The following LMF1 variants were observed in gnomAD, a reference collection of about 807,000 sequenced individuals.
LMF1 encodes the protein lipase maturation factor 1, also known as transmembrane protein 112.
A neutral mutation model predicts 60.6 loss-of-function variants in LMF1; 68 were observed. The ratio of observed to expected loss-of-function variants is 1.12; its 90% CI spans 0.92 to 1.37. LMF1 has a LOEUF of 1.37. Ranked by LOEUF, LMF1 falls within the 40% of genes most tolerant of loss-of-function variation. The pLI, the probability that LMF1 is intolerant of heterozygous loss-of-function variation, is 0.00. For synonymous variants in LMF1, 418 were observed against 324.7 expected (o/e 1.29, Z -3.09); for missense variants, 948 against 767.2 (o/e 1.24, Z -2.78).
At chr16:919,914 C>A (rs2071388072) in intron 3 of LMF1, among the ~76,000 whole-genome samples, 1 of 152,188 alleles carries the variant, frequency 6.6e-6, no homozygotes, top group African/African-American at 2.4e-5. Flanking sequence ...CAGGCTCCTG[C>A]CCCCGGCACC....
intron 3 of LMF1, chr16:933,572 C>T: frequency 5.3e-6 from 1 of 188,222 alleles, no homozygotes; most frequent in Non-Finnish European, 1.1e-5. Flanking sequence ...AGGGCCTTTA[C>T]CAGCAAAGAC....
In LMF1 at chr16:962,215, ACGG is replaced by A. The variant is rs1177685233; in HGVS notation, c.194-7552_194-7550del. ...GGGATCACGACCCAGACACAGACTC[ACGG>A]TGACAGCATGGGATCACGACCCAGA... On this transcript the variant is annotated intron_variant, in intron 1 of 10. Coordinates refer to ENST00000262301, the MANE Select transcript of LMF1 (RefSeq NM_022773.4). The surrounding 1 kb of genome is among the most constrained non-coding windows in gnomAD (Gnocchi z 4.5). 2.2e-5 allele frequency among the ~76,000 whole-genome samples: 3 copies of A among 136,418 alleles called. 1 individual carries two copies. The South Asian group carries it at 8.4e-4, about 38-fold the overall frequency. The allele number at this position is 136,418 out of a possible 152,430, so 89.5% of individuals were successfully genotyped here.
chr16:948,289 CAG>C (rs1302690835), intron 2 of LMF1, among the ~76,000 whole-genome samples: 2 of 144,286 alleles, frequency 1.4e-5, no homozygotes, highest in African/African-American at 5.2e-5. Flanking sequence ...ACGACAGAGT[CAG>C]AGCCAACGAC....
At position 854,175 on chromosome 16, in the gene LMF1, C is replaced by T; in HGVS notation, c.*357G>A. 2.0e-6 allele frequency: 1 copy of T among 503,000 alleles called. No homozygotes were observed. The highest frequency in any genetic ancestry group is 5.4e-5 in the East Asian group (1 of 18,398). The allele number at this position is 503,000 out of a possible 1,614,324, so 31.2% of individuals were successfully genotyped here. ...GACCCCAAGAGCTACCTGGCTGGGT[C>T]TATGGTCAGGGCTGTAGTGGAGGAA... On this transcript the variant is annotated 3_prime_UTR_variant, in exon 11 of 11. Transcript: ENST00000262301.
chr16:869,929 G>A lies in LMF1; in HGVS notation c.1370C>T (p.Pro457Leu), dbSNP rs757628838. The change falls in exon 9 of 11, where the codon CCG (proline) becomes CTG (leucine). Residue 457 changes from proline to leucine, a missense_variant. Coordinates refer to ENST00000262301, the MANE Select transcript of LMF1 (RefSeq NM_022773.4). ...DPSRRPCLISPYHYRLDWLMW... is the reference protein window; with the variant it reads ...DPSRRPCLISLYHYRLDWLMW... Reference sequence around the variant, plus strand: ...CAGCCAGTCCAGGCGGTAGTGGTACGGGGAGATGAGGCAGGGCCGTCTGCT... The same window carrying A: ...CAGCCAGTCCAGGCGGTAGTGGTACAGGGAGATGAGGCAGGGCCGTCTGCT... 112 of 1,613,230 alleles carry A rather than the reference G, an allele frequency of 6.9e-5. No homozygotes were observed. The South Asian group carries it at 1.1e-3, about 16-fold the overall frequency.
chr16:867,373 G>A (rs1439724602), intron 10 of LMF1, among the ~76,000 whole-genome samples: 2 of 152,176 alleles, frequency 1.3e-5, no homozygotes, highest in Non-Finnish European at 2.9e-5. Flanking sequence ...AGAGGCTTCC[G>A]TCACGACCTG....
At chr16:935,590 A>C (rs1455842839) in intron 2 of LMF1, among the ~76,000 whole-genome samples, 1 of 151,444 alleles carries the variant, frequency 6.6e-6, no homozygotes, top group Non-Finnish European at 1.5e-5. Context: ...AAAAACTCAT[A>C]ATGTTTTAAG....
At chr16:939,411 T>G (rs925895737) in intron 2 of LMF1, among the ~76,000 whole-genome samples, 1 of 152,164 alleles carries the variant, frequency 6.6e-6, no homozygotes, top group African/African-American at 2.4e-5. Flanking sequence ...AGGTGCCACT[T>G]CCAGCAATAA....
chr16:876,231 G>A (rs558820819), intron 6 of LMF1, among the ~76,000 whole-genome samples: 7 of 152,374 alleles, frequency 4.6e-5, no homozygotes, highest in Non-Finnish European at 7.3e-5. Flanking sequence ...AGGAGCCCAC[G>A]CGCGGCCGCG....
chr16:889,672 G>T (rs2151727545), intron 5 of LMF1, among the ~76,000 whole-genome samples: 1 of 152,290 alleles, frequency 6.6e-6, no homozygotes, highest in Admixed American at 6.5e-5. Context: ...AAGGGCCTGA[G>T]ATCCCCGCCC....
intron 2 of LMF1, among the ~76,000 whole-genome samples, chr16:947,980 T>TCAGAGCCAACAACAGAGTCAGCCAAC (rs1567294431): frequency 1.1e-5 from 1 of 88,736 alleles, no homozygotes; most frequent in Non-Finnish European, 2.3e-5. Context: ...AGTCAGCCAA[T>TCAGAGCCAACAACAGAGTCAGCCAAC]GACAGAGTCA....
In LMF1 at chr16:874,907, G is replaced by C. The variant is rs1032023950; in HGVS notation, c.898-3566C>G. ...CAGCCCCACACCATATCATCCCCCA[G>C]ACACCCTCTGCCCTGTACGCCTGTG... On this transcript the variant is annotated intron_variant, in intron 6 of 10. Coordinates refer to ENST00000262301, the MANE Select transcript of LMF1 (RefSeq NM_022773.4). The surrounding 1 kb of genome is among the most constrained non-coding windows in gnomAD (Gnocchi z 4.1). Among the ~76,000 whole-genome samples, 1 of 152,124 alleles carries C rather than the reference G, an allele frequency of 6.6e-6. No individual in the cohort carries two copies. Among genetic ancestry groups the C allele is most frequent in the South Asian group, 2.1e-4 (1 of 4,830 alleles).
At chr16:877,459 C>T (rs1367740774) in intron 6 of LMF1, among the ~76,000 whole-genome samples, 2 of 151,234 alleles carry the variant, frequency 1.3e-5, no homozygotes, top group South Asian at 2.1e-4. Context: ...TCCAGACTCC[C>T]GCAGAGGAAG....
At position 879,671 on chromosome 16, in the gene LMF1, C is replaced by T. The variant is rs778529081; in HGVS notation, c.796G>A (p.Glu266Lys). ...HHSPWWFHRF[E>K]TLSNHFIELL... ...TCGATGAAGTGGTTGCTGAGCGTCT[C>T]GAAGCGATGGAACCACCAGGGTGAG... The change falls in exon 6 of 11, where the codon GAG (glutamate) becomes AAG (lysine). Residue 266 changes from glutamate (E) to lysine (K), a missense_variant. Transcript: ENST00000262301. The T allele has an allele frequency of 1.5e-5, 24 of 1,610,570 alleles. No homozygotes were observed. Among genetic ancestry groups the T allele is most frequent in the Admixed American group, 3.4e-5 (2 of 59,516 alleles).
Position 878,250 on chromosome 16 carries a change from C to T in LMF1, c.897+1320G>A, listed in dbSNP as rs995039114. ...CTGGGGGACGATCTGTGAGCAAGTC[C>T]GTTCTTCCCACTTAGATTCACGGCG... is the stretch of plus-strand genomic sequence containing the variant. On this transcript the variant is annotated intron_variant, in intron 6 of 10. Coordinates refer to ENST00000262301, the MANE Select transcript of LMF1 (RefSeq NM_022773.4). The surrounding 1 kb of genome is among the most constrained non-coding windows in gnomAD (Gnocchi z 5.2). 4.6e-5 allele frequency among the ~76,000 whole-genome samples: 7 copies of T among 152,100 alleles called. No individual in the cohort carries two copies. Among genetic ancestry groups the T allele is most frequent in the Non-Finnish European group, 2.9e-5 (2 of 68,018 alleles).
At chr16:931,621 GC>G in intron 3 of LMF1, 2 of 1,284,416 alleles carry the variant, frequency 1.6e-6, no homozygotes, top group Non-Finnish European at 2.0e-6. Flanking sequence ...GTGTTCTGAG[GC>G]CCAGCACCCG....
At chr16:911,661 C>A (rs1210234376) in intron 3 of LMF1, among the ~76,000 whole-genome samples, 4 of 53,484 alleles carry the variant, frequency 7.5e-5, no homozygotes, top group Non-Finnish European at 1.4e-4. Flanking sequence ...GGGGGCAGCA[C>A]TGGGGGGGCA....
At chr16:888,932 T>C (rs2070393535) in intron 5 of LMF1, among the ~76,000 whole-genome samples, 1 of 152,198 alleles carries the variant, frequency 6.6e-6, no homozygotes, top group Non-Finnish European at 1.5e-5. Context: ...CCCCCTCTCC[T>C]GTGCTGCGCT....
Position 854,041 on chromosome 16 carries a change from C to T in LMF1, c.*491G>A, listed in dbSNP as rs748055862. On this transcript the variant is annotated 3_prime_UTR_variant, in exon 11 of 11. Coordinates refer to ENST00000262301, the MANE Select transcript of LMF1 (RefSeq NM_022773.4). Reference sequence around the variant, plus strand: ...CGGGCGTGTCCAGGTCCCTGTGGGGCGAGGGTTTGGCTGCCCCAGACGTGA... The same window carrying T: ...CGGGCGTGTCCAGGTCCCTGTGGGGTGAGGGTTTGGCTGCCCCAGACGTGA... The T allele has an allele frequency of 5.7e-5, 26 of 454,696 alleles. No individual in the cohort carries two copies. Among genetic ancestry groups the T allele is most frequent in the South Asian group, 3.4e-4 (22 of 64,470 alleles). The allele number at this position is 454,696 out of a possible 1,614,324, so 28.2% of individuals were successfully genotyped here.
Sources: allele counts gnomAD v4.1 joint callset (sites outside exome capture counted in the v4.1 genomes callset), GRCh38; gene constraint gnomAD v4.1.1; non-coding constraint Gnocchi (gnomAD v3.1); transcripts MANE v1.5; gene names NCBI Gene and HGNC (gene_info 2026-07-23, HGNC 2026-07-21).